The following NRDC variants were observed in gnomAD, a reference collection of about 807,000 sequenced individuals.
NRDC encodes the protein nardilysin.
In NRDC, 54 loss-of-function variants were observed where a neutral mutation model predicts 147.1. The observed-to-expected ratio is 0.37, with a 90% CI of 0.29 to 0.46. The LOEUF (loss-of-function observed/expected upper bound fraction) is 0.46, where lower values mean the gene tolerates loss of function less well. Ranked by LOEUF, NRDC falls within the 20% of genes least tolerant of loss-of-function variation. NRDC has a pLI of 1.00. For missense variants in NRDC, 1,082 were observed against 1,370.6 expected (o/e 0.79, Z 3.33); for synonymous variants, 440 against 482.1 (o/e 0.91, Z 1.14).
chr1:51,871,515 TAAAAAAAAAAA>T (rs60495773), intron 1 of NRDC, among the ~76,000 whole-genome samples: 42 of 21,020 alleles, frequency 2.0e-3, no homozygotes, highest in African/African-American at 5.7e-3. Context: ...ACTGGTTCAT[TAAAAAAAAAAA>T]AAAAAAAAAA....
rs1169401853 is a variant in NRDC at position 51,821,544 on chromosome 1, T to C, written c.1171A>G (p.Thr391Ala). Residue 391 changes from threonine (T) to alanine (A), a missense_variant, in exon 8 of 31, where the codon ACT (threonine) becomes GCT (alanine). This residue lies in a region of NRDC where 635 missense variants were observed against 923.8 expected (regional missense o/e 0.69). Coordinates refer to ENST00000352171, the MANE Select transcript of NRDC (RefSeq NM_001101662.2). Reference sequence around the variant, plus strand: ...ATTTCAGTCACCCACTTTTCCAAAGTATCCAGTGTTTCTTGAGAGGGGAGG... The same window carrying C: ...ATTTCAGTCACCCACTTTTCCAAAGCATCCAGTGTTTCTTGAGAGGGGAGG... Reference protein sequence around the residue: ...LVVQSKETLDTLEKWVTEIFS... With the variant: ...LVVQSKETLDALEKWVTEIFS... 1.2e-6 allele frequency: 2 copies of C among 1,608,332 alleles called. No homozygotes were observed. The highest frequency in any genetic ancestry group is 1.7e-5 in the Admixed American group (1 of 59,988).
rs770819226 is a variant in NRDC at position 51,798,275 on chromosome 1, G to T, written c.2578C>A (p.Leu860Met). Residue 860 changes from leucine to methionine, a missense_variant, in exon 22 of 31, where the codon CTG becomes ATG. By Grantham distance (15) the Leu-to-Met change is conservative (BLOSUM62 2). This residue lies in a region of NRDC where 635 missense variants were observed against 923.8 expected (regional missense o/e 0.69). Coordinates refer to ENST00000352171, the MANE Select transcript of NRDC (RefSeq NM_001101662.2). ...GTGCTTGTGACATTCCCTTGTACCA[G>T]GCCCTCCACAAAGAGCTGGGATTTG... ...EFKSQLFVEG[L>M]VQGNVTSTES... is the part of the protein sequence containing the mutation. The T allele has an allele frequency of 2.5e-6, 4 of 1,614,134 alleles. No individual in the cohort carries two copies. Among genetic ancestry groups the T allele is most frequent in the Non-Finnish European group, 3.4e-6 (4 of 1,180,028 alleles).
chr1:51,843,063 C>CAAAAAA (rs11356852), intron 1 of NRDC, among the ~76,000 whole-genome samples: 2 of 67,988 alleles, frequency 2.9e-5, no homozygotes, highest in Non-Finnish European at 5.2e-5. Flanking sequence ...AAACCTGTCT[C>CAAAAAA]AAAAAAAAAA....
At position 51,845,820 on chromosome 1, in the gene NRDC, A is replaced by T. The variant is rs1167568905; in HGVS notation, c.342-5306T>A. Among the ~76,000 whole-genome samples the T allele has an allele frequency of 2.0e-5, 3 of 152,202 alleles. No individual in the cohort carries two copies. The East Asian group carries it at 5.8e-4, about 29-fold the overall frequency. ...CACAGCTATATCCTGGGACAACACC[A>T]GGCATATATATACCAAACATTTAAT... On this transcript the variant is annotated intron_variant, in intron 1 of 30. Coordinates refer to ENST00000352171, the MANE Select transcript of NRDC (RefSeq NM_001101662.2).
At chr1:51,821,438 T>A in intron 8 of NRDC, 60 bp downstream of exon 8, 4 of 1,181,476 alleles carry the variant, frequency 3.4e-6, no homozygotes, top group Non-Finnish European at 5.0e-6. Context: ...TTGGGACTCA[T>A]ACAAGATAAT....
chr1:51,842,134 C>T (rs1325816853), intron 1 of NRDC, among the ~76,000 whole-genome samples: 2 of 151,874 alleles, frequency 1.3e-5, no homozygotes, highest in Non-Finnish European at 2.9e-5. Context: ...GATCGGGCCA[C>T]TTTACTCCAG....
At chr1:51,800,075 A>G (rs1456193043) in intron 21 of NRDC, among the ~76,000 whole-genome samples, 1 of 152,206 alleles carries the variant, frequency 6.6e-6, no homozygotes, top group African/African-American at 2.4e-5. Flanking sequence ...CCTGGGCTCA[A>G]GCAATCCTCC....
chr1:51,845,821 G>C (rs200173144), intron 1 of NRDC, among the ~76,000 whole-genome samples: 5 of 151,956 alleles, frequency 3.3e-5, no homozygotes, highest in African/African-American at 1.2e-4. Flanking sequence ...GACAACACCA[G>C]GCATATATAT....
intron 1 of NRDC, among the ~76,000 whole-genome samples, chr1:51,856,861 G>C (rs1682270278): frequency 6.6e-6 from 1 of 152,154 alleles, no homozygotes; most frequent in Non-Finnish European, 1.5e-5. Flanking sequence ...TGTTTCCTGA[G>C]GCCTGCCCAT....
rs1678661494 is a variant in NRDC, at chr1:51,791,644, G to A, written c.2894C>T (p.Thr965Ile). 6.2e-7 allele frequency: 1 copy of A among 1,613,574 alleles called. No homozygotes were observed. The highest frequency in any genetic ancestry group is 1.7e-5 in the Admixed American group (1 of 59,988). The change falls in exon 27 of 31, where the codon ACC becomes ATC. Residue 965 changes from threonine to isoleucine, a missense_variant. Transcript: ENST00000352171. ...KQTLGYHVYP[T>I]CRNTSGILGF... ...TAGAATCCCGGATGTGTTCCTACAG[G>A]TAGGGTAGACATGGTACCTACAAGC...
At position 51,789,215 on chromosome 1, in the gene NRDC, G is replaced by A; in HGVS notation, c.*21C>T. 1.9e-6 allele frequency: 3 copies of A among 1,603,636 alleles called. No homozygotes were observed. The highest frequency in any genetic ancestry group is 2.2e-5 in the South Asian group (2 of 90,870). On this transcript the variant is annotated 3_prime_UTR_variant, in exon 31 of 31. Coordinates refer to ENST00000352171, the MANE Select transcript of NRDC (RefSeq NM_001101662.2). ...CATTTTAAAATACACATTGCTTCAGGCCAACGTGACTGCAGTTTATTTATT... is the reference window on the plus strand; with the variant it reads ...CATTTTAAAATACACATTGCTTCAGACCAACGTGACTGCAGTTTATTTATT...
Position 51,840,359 on chromosome 1 carries a change from T to A in NRDC, c.497A>T (p.Asp166Val). The change falls in exon 2 of 31, where the codon GAT (aspartate) becomes GTT (valine). Residue 166 changes from aspartate (D) to valine (V), a missense_variant. This residue lies in a region of NRDC where 260 missense variants were observed against 253.2 expected (regional missense o/e 1.03). Transcript: ENST00000352171. ...DDEDSGAEIE[D>V]DDEEGFDDED... ...ATCATCAAAACCCTCTTCATCGTCA[T>A]CTTCTATTTCAGCTCCAGAATCTTC... is the stretch of plus-strand genomic sequence containing the variant. The A allele has an allele frequency of 6.5e-7, 1 of 1,533,500 alleles. No individual in the cohort carries two copies. Among genetic ancestry groups the A allele is most frequent in the South Asian group, 1.1e-5 (1 of 89,354 alleles). 95.0% of individuals were successfully genotyped at this position (1,533,500 alleles called of 1,614,324 possible).
At chr1:51,789,744 C>T in intron 29 of NRDC, 87 bp from the exon 30 acceptor site, 1 of 912,906 alleles carries the variant, frequency 1.1e-6, no homozygotes. Flanking sequence ...CCTGGACCTG[C>T]TTAGCATCTG....
At chr1:51,792,702 G>A (rs1385156823) in intron 24 of NRDC, among the ~76,000 whole-genome samples, 1 of 152,180 alleles carries the variant, frequency 6.6e-6, no homozygotes, top group East Asian at 1.9e-4. Flanking sequence ...GCCAGATCCT[G>A]TCAGAGGACA....
At chr1:51,798,673 A>G (rs1679046528) in intron 21 of NRDC, 3 of 335,858 alleles carry the variant, frequency 8.9e-6, no homozygotes, top group African/African-American at 2.1e-5. Context: ...TTCACATAAA[A>G]GTAAAGCTGC....
intron 4 of NRDC, among the ~76,000 whole-genome samples, chr1:51,828,718 CTTT>C (rs34609463): frequency 3.7e-5 from 5 of 136,434 alleles, no homozygotes; most frequent in Non-Finnish European, 3.1e-5. Flanking sequence ...GTTTAGTAAA[CTTT>C]TTTTTTTTTT....
chr1:51,853,151 G>A (rs1682061434), intron 1 of NRDC, among the ~76,000 whole-genome samples: 1 of 151,934 alleles, frequency 6.6e-6, no homozygotes, highest in African/African-American at 2.4e-5. Flanking sequence ...TTGAACCTGG[G>A]AGGCGGAGGT....
At chr1:51,843,616 CA>C in intron 1 of NRDC, among the ~76,000 whole-genome samples, 1 of 152,254 alleles carries the variant, frequency 6.6e-6, no homozygotes, top group Non-Finnish European at 1.5e-5. Context: ...TACATGTTAA[CA>C]AACTTATATT....
At position 51,803,947 on chromosome 1, in the gene NRDC, A is replaced by G. The variant is rs1679330105; in HGVS notation, c.2180T>C (p.Ile727Thr). Residue 727 changes from isoleucine (I) to threonine (T), a missense_variant, in exon 20 of 31, where the codon ATC (isoleucine) becomes ACC (threonine). Around this residue, in one of 3 missense-constraint regions of NRDC, gnomAD observed 635 missense variants for 923.8 expected, o/e 0.69. Transcript: ENST00000352171. ...GTTATGCGTAAGGATATTGACAAAG[A>G]TATCAAAGAGGACCACACTAAGAAG... ...KSAANVVLFD[I>T]FVNILTHNLA... 1 of 1,605,708 alleles carries G rather than the reference A, an allele frequency of 6.2e-7. No individual in the cohort carries two copies. Among genetic ancestry groups the G allele is most frequent in the Non-Finnish European group, 8.5e-7 (1 of 1,176,258 alleles).
Sources: allele counts gnomAD v4.1 joint callset (sites outside exome capture counted in the v4.1 genomes callset), GRCh38; gene constraint gnomAD v4.1.1; regional missense constraint gnomAD v4.1.1; transcripts MANE v1.5; gene names NCBI Gene and HGNC (gene_info 2026-07-23, HGNC 2026-07-21).